The following PDE3A variants were observed in gnomAD, a reference collection of about 807,000 sequenced individuals.
PDE3A encodes phosphodiesterase 3A.
PDE3A carries 43 observed loss-of-function variants against 98.3 expected under a neutral mutation model. That is an observed-to-expected ratio of 0.44 (90% confidence interval 0.34 to 0.56). The LOEUF is 0.56. Ranked by LOEUF, PDE3A falls within the 20% of genes least tolerant of loss-of-function variation. PDE3A has a pLI of 0.01. For missense variants in PDE3A, 1,427 were observed against 1,440.7 expected (o/e 0.99, Z 0.15); for synonymous variants, 663 against 567.9 (o/e 1.17, Z -2.38).
chr12:20,572,935 T>C (rs1218058526), intron 2 of PDE3A, among the ~76,000 whole-genome samples: 2 of 152,110 alleles, frequency 1.3e-5, no homozygotes, highest in African/African-American at 4.8e-5. Flanking sequence ...CATACTGTAC[T>C]GATTGGTATT....
At chr12:20,487,840 A>G (rs1239221588) in intron 1 of PDE3A, among the ~76,000 whole-genome samples, 2 of 152,148 alleles carry the variant, frequency 1.3e-5, no homozygotes, top group African/African-American at 4.8e-5. Context: ...AGAGAAATGC[A>G]TGAGCTAGTC....
intron 1 of PDE3A, among the ~76,000 whole-genome samples, chr12:20,409,087 G>T (rs1591899685): frequency 6.6e-6 from 1 of 152,120 alleles, no homozygotes; most frequent in East Asian, 1.9e-4. Context: ...GACAGAAGTG[G>T]AGGCAGGCAC....
chr12:20,408,816 C>T (rs1944281791), intron 1 of PDE3A, among the ~76,000 whole-genome samples: 2 of 152,070 alleles, frequency 1.3e-5, no homozygotes, highest in South Asian at 2.1e-4. Context: ...TTTCTAAATG[C>T]CATGATAATA....
At chr12:20,442,516 A>G (rs1944886316) in intron 1 of PDE3A, among the ~76,000 whole-genome samples, 1 of 152,176 alleles carries the variant, frequency 6.6e-6, no homozygotes, top group South Asian at 2.1e-4. Context: ...TTGTTCATGC[A>G]TTTCACTGAC....
At chr12:20,529,621 A>G (rs1359925647) in intron 1 of PDE3A, among the ~76,000 whole-genome samples, 3 of 152,106 alleles carry the variant, frequency 2.0e-5, no homozygotes, top group African/African-American at 7.2e-5. Context: ...TGCATCTACA[A>G]GCCAAGGAAC....
chr12:20,504,876 C>T (rs1414449292), intron 1 of PDE3A, among the ~76,000 whole-genome samples: 1 of 152,048 alleles, frequency 6.6e-6, no homozygotes, highest in Non-Finnish European at 1.5e-5. Context: ...TTAATCGCAT[C>T]TGCAAAGTAA....
chr12:20,647,531 C>T (rs1030580811), intron 12 of PDE3A, among the ~76,000 whole-genome samples: 3 of 151,992 alleles, frequency 2.0e-5, no homozygotes, highest in Admixed American at 2.0e-4. Context: ...AGTATGTAGA[C>T]ATACCCATTT....
intron 1 of PDE3A, among the ~76,000 whole-genome samples, chr12:20,491,075 A>G (rs1232111843): frequency 6.6e-6 from 1 of 152,166 alleles, no homozygotes; most frequent in Non-Finnish European, 1.5e-5. Context: ...AGTGAGCCTG[A>G]CTCAAAAAAA....
At chr12:20,526,212 A>G (rs1341812689) in intron 1 of PDE3A, among the ~76,000 whole-genome samples, 3 of 152,086 alleles carry the variant, frequency 2.0e-5, no homozygotes, top group Non-Finnish European at 4.4e-5. Flanking sequence ...AGTTGATACT[A>G]TTGTTCCTCA....
intron 1 of PDE3A, among the ~76,000 whole-genome samples, chr12:20,394,248 A>T (rs11045209): frequency 0.39 from 59,881 of 151,884 alleles, 12,925 homozygotes; most frequent in South Asian, 0.5. Context: ...CTTCAATGGT[A>T]GACTGTTTCA....
At chr12:20,587,015 T>C (rs1316288776) in intron 2 of PDE3A, among the ~76,000 whole-genome samples, 5 of 152,162 alleles carry the variant, frequency 3.3e-5, no homozygotes, top group Non-Finnish European at 7.3e-5. Flanking sequence ...ACAGGCTAGG[T>C]ATTGTATTTA....
At chr12:20,494,639 T>A (rs1257210867) in intron 1 of PDE3A, among the ~76,000 whole-genome samples, 2 of 152,182 alleles carry the variant, frequency 1.3e-5, no homozygotes, top group Non-Finnish European at 2.9e-5. Flanking sequence ...TCCTATGGAA[T>A]AAATGTTACC....
chr12:20,523,241 T>A (rs1045235731), intron 1 of PDE3A, among the ~76,000 whole-genome samples: 3 of 152,130 alleles, frequency 2.0e-5, no homozygotes, highest in Admixed American at 6.5e-5. Flanking sequence ...GTGCCACAGG[T>A]CCCTCTTGAC....
intron 1 of PDE3A, among the ~76,000 whole-genome samples, chr12:20,554,493 GT>G (rs1254094592): frequency 6.7e-6 from 1 of 149,726 alleles, no homozygotes; most frequent in African/African-American, 2.5e-5. Context: ...TTAAAAATTT[GT>G]CTTTTAAATC....
intron 15 of PDE3A, among the ~76,000 whole-genome samples, chr12:20,657,181 A>G (rs1945063091): frequency 6.6e-6 from 1 of 152,220 alleles, no homozygotes. Context: ...GGCCACATAG[A>G]GTAACAGAAT....
intron 1 of PDE3A, among the ~76,000 whole-genome samples, chr12:20,464,473 C>T (rs1945306350): frequency 6.6e-6 from 1 of 152,114 alleles, no homozygotes; most frequent in African/African-American, 2.4e-5. Context: ...CATTGCTTGG[C>T]TAATTGTTAT....
intron 2 of PDE3A, among the ~76,000 whole-genome samples, chr12:20,582,176 A>G (rs1943083375): frequency 7.2e-6 from 1 of 138,540 alleles, no homozygotes; most frequent in Non-Finnish European, 1.6e-5. Context: ...TCACTTTAAA[A>G]ATGAATATGA....
rs1943780363 is a variant in PDE3A at position 20,386,120 on chromosome 12, T to TAAATATATATAAATATATATAA, written c.960+15878_960+15899dup. ...ATATAAATATATATATAAATATATA[T>TAAATATATATAAATATATATAA]AAATATATATAAATATATATAAATA... On this transcript the variant is annotated intron_variant, in intron 1 of 15. Transcript: ENST00000359062. 1.2e-4 allele frequency among the ~76,000 whole-genome samples: 9 copies of TAAATATATATAAATATATATAA among 76,194 alleles called. 1 individual carries two copies. Among genetic ancestry groups the TAAATATATATAAATATATATAA allele is most frequent in the African/African-American group, 4.5e-4 (7 of 15,444 alleles). 50.0% of individuals were successfully genotyped at this position (76,194 alleles called of 152,430 possible).
intron 1 of PDE3A, among the ~76,000 whole-genome samples, chr12:20,381,929 T>C (rs959201010): frequency 6.6e-6 from 1 of 151,906 alleles, no homozygotes; most frequent in Non-Finnish European, 1.5e-5. Flanking sequence ...AATCAAACTA[T>C]TGTTTATGAA....
Sources: allele counts gnomAD v4.1 joint callset (sites outside exome capture counted in the v4.1 genomes callset), GRCh38; gene constraint gnomAD v4.1.1; transcripts MANE v1.5; gene names NCBI Gene and HGNC (gene_info 2026-07-23, HGNC 2026-07-21).